Variants in IP6K3 observed in about 807,000 individuals in gnomAD.
IP6K3 encodes inositol hexakisphosphate kinase 3.
Under a neutral mutation model 28.8 loss-of-function variants are expected in IP6K3, and 20 were observed. The observed-to-expected ratio is 0.70, with a 90% CI of 0.49 to 1.01. The LOEUF (loss-of-function observed/expected upper bound fraction) is 1.01. Among genes scored for constraint, IP6K3 ranks in the 50% least tolerant of loss-of-function variants. The pLI, the probability that IP6K3 is intolerant of heterozygous loss-of-function variation, is 0.00. For missense variants in IP6K3, 480 were observed against 537.1 expected (o/e 0.89, Z 1.05); for synonymous variants, 213 against 221.3 (o/e 0.96, Z 0.33).
intron 1 of IP6K3, among the ~76,000 whole-genome samples, chr6:33,743,208 G>A (rs1038963917): frequency 1.3e-5 from 2 of 152,200 alleles, no homozygotes; most frequent in Non-Finnish European, 2.9e-5. Context: ...ACCACATCCC[G>A]ATAAATCTTA....
At chr6:33,760,858 C>T in the IP6K3 span, among the ~76,000 whole-genome samples, 1 of 151,902 alleles carries the variant, frequency 6.6e-6, no homozygotes, top group African/African-American at 2.4e-5. Context: ...GGCCGTTAGC[C>T]AGAGCTGTGT....
At chr6:33,750,849 C>T (rs776071052), upstream of IP6K3, among the ~76,000 whole-genome samples, 2 of 152,172 alleles carry the variant, frequency 1.3e-5, no homozygotes, top group Admixed American at 1.3e-4. This position sits in a 1 kb window ranked among gnomAD's most constrained non-coding sequence, Gnocchi z 4.3. Context: ...ACAGCTGCCC[C>T]TGTCCCTGCT....
rs766658700 is a variant in IP6K3 at position 33,735,286 on chromosome 6, T to G, written c.191A>C (p.Gln64Pro). The G allele has an allele frequency of 6.2e-7, 1 of 1,612,496 alleles. No homozygotes were observed. Among genetic ancestry groups the G allele is most frequent in the Non-Finnish European group, 8.5e-7 (1 of 1,179,620 alleles). The change falls in exon 2 of 6, where the codon CAG becomes CCG. Residue 64 changes from glutamine to proline, a missense_variant. Physicochemically the swap from Gln to Pro is moderately conservative, Grantham distance 76 (BLOSUM62 -1). Transcript: ENST00000293756. ...LPLAMKRFTP[Q>P]YKGTVTVHLW... Reference sequence around the variant, plus strand: ...GCTGCCTAGACACTCACCTTTGTACTGTGGGGTGAACCGCTTCATGGCCAG... The same window carrying G: ...GCTGCCTAGACACTCACCTTTGTACGGTGGGGTGAACCGCTTCATGGCCAG...
rs760429407 is a variant in IP6K3 at position 33,726,800 on chromosome 6, A to G, written c.520T>C (p.Trp174Arg). The G allele has an allele frequency of 6.2e-7, 1 of 1,612,816 alleles. No homozygotes were observed. The highest frequency in any genetic ancestry group is 2.2e-5 in the East Asian group (1 of 44,866). ...TGGGCCTGGTGGCATTGCAGGCCCC[A>G]CGGGTTGAAGCTCTTCCTCTCAACC... The part of the protein sequence containing the change: ...NQVERKSFNP[W>R]GLQCHQAHLT... The change falls in exon 4 of 6, where the codon TGG becomes CGG. Residue 174 changes from tryptophan (W) to arginine (R), a missense_variant. By Grantham distance (101) the Trp-to-Arg change is moderately radical. Coordinates refer to ENST00000293756, the MANE Select transcript of IP6K3 (RefSeq NM_054111.5).
Position 33,744,742 on chromosome 6 carries a change from T to A in IP6K3, c.-180+2016A>T, listed in dbSNP as rs112191585. Among the ~76,000 whole-genome samples the A allele has an allele frequency of 3.4e-3, 524 of 152,352 alleles. No individual in the cohort carries two copies. The South Asian group carries it at 0.035, about 10-fold the overall frequency. On this transcript the variant is annotated intron_variant, in intron 1 of 5. Transcript: ENST00000293756. This position sits in a 1 kb window ranked among gnomAD's most constrained non-coding sequence, Gnocchi z 4.4. ...CAGAGAGCCTCGATGGCAGCTGAAG[T>A]TCTGCCTCCACCAGGCAGATGTTTT... is the stretch of plus-strand genomic sequence containing the variant.
At chr6:33,725,349 AG>A (rs1288470026) in intron 5 of IP6K3, 91 bp downstream of exon 5, 6 of 1,320,776 alleles carry the variant, frequency 4.5e-6, no homozygotes, top group East Asian at 2.5e-5. Flanking sequence ...AGGGCTCTGC[AG>A]GGGGGCAGTG....
Position 33,725,483 on chromosome 6 carries a change from C to T in IP6K3, c.723G>A (p.Gln241=). 5.0e-6 allele frequency: 8 copies of T among 1,613,480 alleles called. No individual in the cohort carries two copies. The highest frequency in any genetic ancestry group is 6.8e-6 in the Non-Finnish European group (8 of 1,180,012). ...GCACACCCAGGCAGGCTGAGGTGCTCTGCGCACACTTCCTCATGTGGCGGG... is the reference window on the plus strand; with the variant it reads ...GCACACCCAGGCAGGCTGAGGTGCTTTGCGCACACTTCCTCATGTGGCGGG... ...KKARHMRKCA[Q]STSACLGVRI... Residue 241 remains glutamine (Q), a synonymous_variant, in exon 5 of 6, where the codon CAG becomes CAA. Coordinates refer to ENST00000293756, the MANE Select transcript of IP6K3 (RefSeq NM_054111.5).
chr6:33,742,063 A>G lies in IP6K3; in HGVS notation c.-180+4695T>C, dbSNP rs187845722. On this transcript the variant is annotated intron_variant, in intron 1 of 5. Coordinates refer to ENST00000293756, the MANE Select transcript of IP6K3 (RefSeq NM_054111.5). The surrounding 1 kb of genome is among the most constrained non-coding windows in gnomAD (Gnocchi z 4.5). ...CATATCCTATATCATAGTCACTCCT[A>G]AGGGTCAACTCTGGACCCCTGGCTT... Among the ~76,000 whole-genome samples the G allele has an allele frequency of 5.9e-5, 9 of 152,056 alleles. No individual in the cohort carries two copies. Among genetic ancestry groups the G allele is most frequent in the African/African-American group, 1.9e-4 (8 of 41,472 alleles).
In IP6K3 at chr6:33,744,654, A is replaced by G. The variant is rs1766842864; in HGVS notation, c.-180+2104T>C. Among the ~76,000 whole-genome samples, 1 of 152,186 alleles carries G rather than the reference A, an allele frequency of 6.6e-6. No individual in the cohort carries two copies. Among genetic ancestry groups the G allele is most frequent in the Admixed American group, 6.5e-5 (1 of 15,286 alleles). On this transcript the variant is annotated intron_variant, in intron 1 of 5. Coordinates refer to ENST00000293756, the MANE Select transcript of IP6K3 (RefSeq NM_054111.5). The surrounding 1 kb of genome is among the most constrained non-coding windows in gnomAD (Gnocchi z 4.4). ...AAAGCCAGCACCCACCTCCTCACCCAGCCACTGGGGGACACATTCTTGGAA... is the reference window on the plus strand; with the variant it reads ...AAAGCCAGCACCCACCTCCTCACCCGGCCACTGGGGGACACATTCTTGGAA...
chr6:33,725,850 T>A (rs1766092340), intron 4 of IP6K3, among the ~76,000 whole-genome samples: 2 of 152,134 alleles, frequency 1.3e-5, no homozygotes, highest in African/African-American at 4.8e-5. Context: ...GTATGTGAGC[T>A]TTTTTTTCCT....
chr6:33,746,400 T>TC lies in IP6K3; in HGVS notation c.-180+357dup, dbSNP rs1561912719. ...TAACGCAGCCCCCGGTACTTGCCCCTCCCCCCAGCTTCCTCTGTAGTCCCA... is the reference window on the plus strand; with the variant it reads ...TAACGCAGCCCCCGGTACTTGCCCCTCCCCCCCAGCTTCCTCTGTAGTCCCA... On this transcript the variant is annotated intron_variant, in intron 1 of 5. Transcript: ENST00000293756. This position sits in a 1 kb window ranked among gnomAD's most constrained non-coding sequence, Gnocchi z 6.5. 6.6e-6 allele frequency among the ~76,000 whole-genome samples: 1 copy of TC among 151,514 alleles called. No individual in the cohort carries two copies. The highest frequency in any genetic ancestry group is 1.5e-5 in the Non-Finnish European group (1 of 67,832).
At chr6:33,748,850 A>G (rs186505686), upstream of IP6K3, among the ~76,000 whole-genome samples, 853 of 147,192 alleles carry the variant, frequency 5.8e-3, 6 homozygotes, top group Middle Eastern at 0.024. Context: ...CCTGGTTTAA[A>G]GTGGGGTGGG....
At chr6:33,753,500 G>A in the IP6K3 span, among the ~76,000 whole-genome samples, 2 of 152,170 alleles carry the variant, frequency 1.3e-5, no homozygotes, top group Non-Finnish European at 2.9e-5. Context: ...AAGCAGAGAA[G>A]TGAATGAAGG....
At position 33,722,545 on chromosome 6, in the gene IP6K3, C is replaced by T. The variant is rs533615542; in HGVS notation, c.*175G>A. On this transcript the variant is annotated 3_prime_UTR_variant, in exon 6 of 6. Transcript: ENST00000293756. ...AATGCCAGGGGATGTGGAATCACCTCCAGAGCTGATTTGTTCAGCAGCTGT... is the reference window on the plus strand; with the variant it reads ...AATGCCAGGGGATGTGGAATCACCTTCAGAGCTGATTTGTTCAGCAGCTGT... 1 of 543,054 alleles carries T rather than the reference C, an allele frequency of 1.8e-6. No individual in the cohort carries two copies. The allele number at this position is 543,054 out of a possible 1,614,324, so 33.6% of individuals were successfully genotyped here. A position where few individuals can be genotyped will look rare whatever the true frequency, so the allele number is the denominator to read the frequency against.
rs965859123 is a variant in IP6K3 at position 33,742,455 on chromosome 6, A to C, written c.-180+4303T>G. Among the ~76,000 whole-genome samples, 4 of 152,036 alleles carry C rather than the reference A, an allele frequency of 2.6e-5. No homozygotes were observed. The highest frequency in any genetic ancestry group is 9.7e-5 in the African/African-American group (4 of 41,392). ...CCTGACTGGGCAGCAAGAACCGCAC[A>C]CCCAGGGGCAGCATGCTGCTGGTGG... On this transcript the variant is annotated intron_variant, in intron 1 of 5. Coordinates refer to ENST00000293756, the MANE Select transcript of IP6K3 (RefSeq NM_054111.5). This position sits in a 1 kb window ranked among gnomAD's most constrained non-coding sequence, Gnocchi z 4.5.
rs941092450 is a variant in IP6K3 at position 33,746,378 on chromosome 6, C to T, written c.-180+380G>A. ...GACACCGGCCTCTGTTAAGGGTTAA[C>T]GCAGCCCCCGGTACTTGCCCCTCCC... On this transcript the variant is annotated intron_variant, in intron 1 of 5. Transcript: ENST00000293756. This position sits in a 1 kb window ranked among gnomAD's most constrained non-coding sequence, Gnocchi z 6.5. Among the ~76,000 whole-genome samples, 1 of 152,160 alleles carries T rather than the reference C, an allele frequency of 6.6e-6. No individual in the cohort carries two copies. The highest frequency in any genetic ancestry group is 2.4e-5 in the African/African-American group (1 of 41,424).
At position 33,722,881 on chromosome 6, in the gene IP6K3, C is replaced by G; in HGVS notation, c.1072G>C (p.Gly358Arg). Reference sequence around the variant, plus strand: ...CGGATGTCAACCTTGGTGAGACCACCGGGAGAGCTACCGTGGGCTGCCTGG... The same window carrying G: ...CGGATGTCAACCTTGGTGAGACCACGGGGAGAGCTACCGTGGGCTGCCTGG... ...APQAAHGSSP[G>R]GLTKVDIRMI... Residue 358 changes from glycine (G) to arginine (R), a missense_variant, in exon 6 of 6, where the codon GGT becomes CGT. Gly to Arg is a moderately radical substitution (Grantham distance 125). Coordinates refer to ENST00000293756, the MANE Select transcript of IP6K3 (RefSeq NM_054111.5). 6.2e-7 allele frequency: 1 copy of G among 1,614,116 alleles called. No homozygotes were observed. The highest frequency in any genetic ancestry group is 1.1e-5 in the South Asian group (1 of 91,062).
At chr6:33,751,506 GTGTGTGTGTGTGTT>G (rs1478289426), upstream of IP6K3, among the ~76,000 whole-genome samples, 36 of 127,660 alleles carry the variant, frequency 2.8e-4, no homozygotes, top group East Asian at 3.1e-3. This position sits in a 1 kb window ranked among gnomAD's most constrained non-coding sequence, Gnocchi z 4.3. Flanking sequence ...GTGTGTGTGT[GTGTGTGTGTGTGTT>G]TGGCCCCGGG....
Position 33,742,575 on chromosome 6 carries a change from C to T in IP6K3, c.-180+4183G>A, listed in dbSNP as rs1766766800. Among the ~76,000 whole-genome samples the T allele has an allele frequency of 1.3e-5, 2 of 152,188 alleles. No homozygotes were observed. The highest frequency in any genetic ancestry group is 1.3e-4 in the Admixed American group (2 of 15,282). ...CCTGCCAAGACCTTACCCAAATCCT[C>T]ACCACCACAATCTGCAGAGTAGGAA... On this transcript the variant is annotated intron_variant, in intron 1 of 5. Coordinates refer to ENST00000293756, the MANE Select transcript of IP6K3 (RefSeq NM_054111.5). The surrounding 1 kb of genome is among the most constrained non-coding windows in gnomAD (Gnocchi z 4.5).
Sources: allele counts gnomAD v4.1 joint callset (sites outside exome capture counted in the v4.1 genomes callset), GRCh38; gene constraint gnomAD v4.1.1; non-coding constraint Gnocchi (gnomAD v3.1); transcripts MANE v1.5; gene names NCBI Gene and HGNC (gene_info 2026-07-23, HGNC 2026-07-21).